Variants in GOLM1 observed in about 807,000 individuals in gnomAD.
GOLM1 encodes epididymis luminal protein 46.
GOLM1 carries 31 observed loss-of-function variants against 50.5 expected under a neutral mutation model. The observed-to-expected ratio is 0.61, with a 90% confidence interval of 0.46 to 0.83. The LOEUF (loss-of-function observed/expected upper bound fraction) is 0.83, where lower values mean the gene tolerates loss of function less well. GOLM1 is among the 40% of genes least tolerant of loss of function. GOLM1 has a pLI of 0.00. For missense variants in GOLM1, 491 were observed against 501.3 expected (o/e 0.98, Z 0.20); for synonymous variants, 178 against 192.8 (o/e 0.92, Z 0.64).
intron 1 of GOLM1, among the ~76,000 whole-genome samples, chr9:86,086,184 T>A (rs1262733426): frequency 6.6e-6 from 1 of 152,374 alleles, no homozygotes; most frequent in Non-Finnish European, 1.5e-5. Context: ...TGAGATGGTA[T>A]CTCATTATGG....
chr9:86,076,601 C>T (rs1834623245), intron 3 of GOLM1, among the ~76,000 whole-genome samples: 2 of 151,966 alleles, frequency 1.3e-5, no homozygotes, highest in African/African-American at 4.8e-5. Context: ...CACGGTGGCT[C>T]ATGCCTGTAA....
chr9:86,085,605 C>T (rs1283242774), intron 1 of GOLM1, among the ~76,000 whole-genome samples: 6 of 152,012 alleles, frequency 3.9e-5, no homozygotes, highest in Non-Finnish European at 7.4e-5. Context: ...CATTTAGTTA[C>T]TTCTCCTAAT....
chr9:86,090,632 G>C (rs916740010), intron 1 of GOLM1, among the ~76,000 whole-genome samples: 10 of 151,964 alleles, frequency 6.6e-5, no homozygotes, highest in Admixed American at 1.3e-4. Flanking sequence ...CTGCTGTGCT[G>C]GCAGCAAGAA....
intron 8 of GOLM1, among the ~76,000 whole-genome samples, chr9:86,033,996 A>G (rs1833060666): frequency 7.0e-6 from 1 of 142,364 alleles, no homozygotes; most frequent in Admixed American, 7.3e-5. Context: ...ATGGAGTCTC[A>G]CTCTGTCGCC....
Position 86,026,547 on chromosome 9 carries a change from G to A in GOLM1, c.*1270C>T. ...CCATTTTCCCCTCTGAAAATAAGAG[G>A]GTTGGATCAAACGATCTCTGGGGCC... is the stretch of plus-strand genomic sequence containing the variant. On this transcript the variant is annotated 3_prime_UTR_variant, in exon 10 of 10. Coordinates refer to ENST00000388712, the MANE Select transcript of GOLM1 (RefSeq NM_016548.4). The A allele has an allele frequency of 1.1e-6, 1 of 895,796 alleles. No individual in the cohort carries two copies. The highest frequency in any genetic ancestry group is 1.3e-6 in the Non-Finnish European group (1 of 748,260). The allele number at this position is 895,796 out of a possible 1,614,324, so 55.5% of individuals were successfully genotyped here.
At position 86,027,113 on chromosome 9, in the gene GOLM1, A is replaced by C. The variant is rs1206522379; in HGVS notation, c.*704T>G. 2.5e-5 allele frequency: 25 copies of C among 984,472 alleles called. No homozygotes were observed. The highest frequency in any genetic ancestry group is 3.0e-5 in the Non-Finnish European group (25 of 829,934). 61.0% of individuals were successfully genotyped at this position (984,472 alleles called of 1,614,324 possible). A position where few individuals can be genotyped will look rare whatever the true frequency, so the allele number is the denominator to read the frequency against. ...AAGATGTTGCTTTGCCCACACACGA[A>C]GCAAAGTAAATAAAGACCACAAATG... On this transcript the variant is annotated 3_prime_UTR_variant, in exon 10 of 10. Transcript: ENST00000388712.
intron 1 of GOLM1, among the ~76,000 whole-genome samples, chr9:86,095,102 A>G (rs533760216): frequency 1.3e-5 from 2 of 151,972 alleles, no homozygotes; most frequent in Non-Finnish European, 2.9e-5. Context: ...AAAGAAAAGA[A>G]AAGAAAAAAG....
intron 1 of GOLM1, among the ~76,000 whole-genome samples, chr9:86,089,563 G>A (rs1262034937): frequency 6.6e-6 from 1 of 151,924 alleles, no homozygotes; most frequent in Non-Finnish European, 1.5e-5. Flanking sequence ...ATTGATACTT[G>A]CATATGCTTC....
At chr9:86,044,437 C>T (rs1174495142) in intron 5 of GOLM1, among the ~76,000 whole-genome samples, 1 of 152,146 alleles carries the variant, frequency 6.6e-6, no homozygotes, top group African/African-American at 2.4e-5. Context: ...GAACGCAATG[C>T]ACGTGAGGCA....
chr9:86,060,065 G>A (rs1320565774), intron 3 of GOLM1, among the ~76,000 whole-genome samples: 1 of 152,064 alleles, frequency 6.6e-6, no homozygotes, highest in African/African-American at 2.4e-5. Flanking sequence ...AGAAACAGGT[G>A]AAATTAATAT....
rs960632904 is a variant in GOLM1, at chr9:86,027,425, A to C, written c.*392T>G. ...TACAGCACGTGGACAGGACGACGGA[A>C]CCCAGAGTTCTCTGTCTCTCCTTCA... On this transcript the variant is annotated 3_prime_UTR_variant, in exon 10 of 10. Coordinates refer to ENST00000388712, the MANE Select transcript of GOLM1 (RefSeq NM_016548.4). The C allele has an allele frequency of 9.8e-7, 1 of 1,019,784 alleles. No individual in the cohort carries two copies. Among genetic ancestry groups the C allele is most frequent in the Non-Finnish European group, 1.2e-6 (1 of 852,386 alleles). The allele number at this position is 1,019,784 out of a possible 1,614,324, so 63.2% of individuals were successfully genotyped here.
intron 3 of GOLM1, among the ~76,000 whole-genome samples, chr9:86,073,221 A>G (rs1463588565): frequency 6.6e-6 from 1 of 152,084 alleles, no homozygotes; most frequent in Non-Finnish European, 1.5e-5. Context: ...CTGGAAGTTT[A>G]GAAAAAAAAA....
intron 1 of GOLM1, among the ~76,000 whole-genome samples, chr9:86,090,791 A>C (rs1835156165): frequency 7.3e-6 from 1 of 137,328 alleles, no homozygotes; most frequent in Non-Finnish European, 1.5e-5. Flanking sequence ...GGTACCAAAA[A>C]AAAAAAAAAA....
At chr9:86,069,050 C>T (rs1023449392) in intron 3 of GOLM1, among the ~76,000 whole-genome samples, 1 of 151,898 alleles carries the variant, frequency 6.6e-6, no homozygotes. Context: ...CACTTATATT[C>T]TACAATTTTC....
intron 3 of GOLM1, among the ~76,000 whole-genome samples, chr9:86,073,613 G>A (rs1447881028): frequency 6.6e-6 from 1 of 152,094 alleles, no homozygotes; most frequent in Non-Finnish European, 1.5e-5. Context: ...TTACAGAGAA[G>A]GGGGAAAGGC....
intron 5 of GOLM1, 56 bp downstream of exon 5, chr9:86,046,414 C>T (rs1339649689): frequency 5.1e-5 from 53 of 1,038,610 alleles, no homozygotes; most frequent in South Asian, 2.7e-4. Flanking sequence ...GCTTAATCCC[C>T]GCCTCCCAGG....
chr9:86,062,424 G>T (rs770145352), intron 3 of GOLM1, among the ~76,000 whole-genome samples: 1 of 151,762 alleles, frequency 6.6e-6, no homozygotes, highest in Non-Finnish European at 1.5e-5. Flanking sequence ...GGGGAGGAAG[G>T]AGAGAGCAAA....
upstream of GOLM1, chr9:86,100,059 G>C (rs1835491525): frequency 6.6e-6 from 1 of 152,256 alleles, no homozygotes; most frequent in African/African-American, 2.4e-5. Flanking sequence ...GGCATTCCCT[G>C]TTGACCATCA....
chr9:86,070,439 G>C (rs1325537251), intron 3 of GOLM1, among the ~76,000 whole-genome samples: 1 of 151,896 alleles, frequency 6.6e-6, no homozygotes, highest in Non-Finnish European at 1.5e-5. Flanking sequence ...GGGTGTGGTG[G>C]CACGTGACTG....
Sources: gnomAD v4.1 joint callset for allele counts (sites outside exome capture counted in the v4.1 genomes callset) on GRCh38, gnomAD v4.1.1 for gene constraint, MANE v1.5 for transcripts, NCBI Gene and HGNC (gene_info 2026-07-23, HGNC 2026-07-21) for gene names.